PLCB1: variants seen among roughly 807,000 people sequenced by gnomAD.
The protein encoded by PLCB1 is phospholipase C beta 1, also known as 1-phosphatidylinositol 4,5-bisphosphate phosphodiesterase beta-1.
PLCB1 carries 46 observed loss-of-function variants against 161.8 expected under a neutral mutation model. The ratio of observed to expected loss-of-function variants is 0.28; its 90% CI spans 0.22 to 0.36. PLCB1 has a LOEUF of 0.36. PLCB1 is among the 10% of genes least tolerant of loss of function. PLCB1 has a pLI of 1.00. For missense variants in PLCB1, 1,016 were observed against 1,472.5 expected, an observed-to-expected ratio of 0.69 and a Z score of 5.07; for synonymous variants, 517 against 503.7, an observed-to-expected ratio of 1.03 and a Z score of -0.35.
intron 2 of PLCB1, among the ~76,000 whole-genome samples, chr20:8,294,389 C>T (rs187909311): frequency 6.6e-6 from 1 of 151,788 alleles, no homozygotes; most frequent in Non-Finnish European, 1.5e-5. Context: ...TCTGACATTA[C>T]CAAAAGTTGA....
chr20:8,152,332 A>G (rs118012387), intron 2 of PLCB1, among the ~76,000 whole-genome samples: 6,870 of 152,184 alleles, frequency 0.045, 207 homozygotes, highest in Middle Eastern at 0.14. Context: ...CAAGTTTGTC[A>G]TTTTCTTTCT....
At chr20:8,709,230 G>T (rs1237834729) in intron 12 of PLCB1, among the ~76,000 whole-genome samples, 1 of 152,014 alleles carries the variant, frequency 6.6e-6, no homozygotes, top group Non-Finnish European at 1.5e-5. Context: ...CTTTTCACTG[G>T]CTTTCCCCTG....
At chr20:8,824,581 A>G (rs1179157803) in intron 31 of PLCB1, among the ~76,000 whole-genome samples, 1 of 152,144 alleles carries the variant, frequency 6.6e-6, no homozygotes, top group African/African-American at 2.4e-5. Context: ...GAATAATGCT[A>G]CTGAGATGAT....
intron 31 of PLCB1, among the ~76,000 whole-genome samples, chr20:8,869,955 C>T (rs1331058989): frequency 3.3e-5 from 5 of 152,160 alleles, no homozygotes; most frequent in Admixed American, 2.0e-4. Flanking sequence ...AGCATGTTCC[C>T]GTGACATGCC....
chr20:8,844,925 A>G (rs558064337), intron 31 of PLCB1, among the ~76,000 whole-genome samples: 15 of 152,086 alleles, frequency 9.9e-5, no homozygotes, highest in African/African-American at 3.4e-4. Context: ...CCTGGCTAAC[A>G]TGGTGAAACC....
intron 9 of PLCB1, among the ~76,000 whole-genome samples, chr20:8,671,829 T>C (rs935277339): frequency 1.1e-4 from 17 of 152,164 alleles, no homozygotes; most frequent in Non-Finnish European, 2.9e-5. Flanking sequence ...TGTCTTTCCA[T>C]TGCCCAGGCA....
intron 2 of PLCB1, among the ~76,000 whole-genome samples, chr20:8,285,065 C>T (rs1158374376): frequency 1.3e-5 from 2 of 151,004 alleles, no homozygotes; most frequent in Non-Finnish European, 2.9e-5. Context: ...TGTTTTGTTT[C>T]TGCATGTGTC....
chr20:8,477,346 G>A (rs1258666992), intron 3 of PLCB1, among the ~76,000 whole-genome samples: 1 of 152,134 alleles, frequency 6.6e-6, no homozygotes, highest in Admixed American at 6.5e-5. Flanking sequence ...TTGGATGTCT[G>A]CCAGGTATTA....
intron 2 of PLCB1, among the ~76,000 whole-genome samples, chr20:8,236,965 A>T (rs77330602): frequency 1.3e-5 from 2 of 152,194 alleles, no homozygotes; most frequent in Admixed American, 6.5e-5. Context: ...CAAAACTAAA[A>T]GTTCCAGTGG....
chr20:8,188,603 T>C (rs2051931987), intron 2 of PLCB1, among the ~76,000 whole-genome samples: 2 of 152,102 alleles, frequency 1.3e-5, no homozygotes, highest in African/African-American at 4.8e-5. Context: ...AATTCTTTCT[T>C]AAGAGTGGCC....
intron 31 of PLCB1, among the ~76,000 whole-genome samples, chr20:8,874,225 TACAC>T (rs56986559): frequency 0.029 from 3,893 of 132,494 alleles, 167 homozygotes; most frequent in African/African-American, 0.1. Flanking sequence ...TATGTGTATG[TACAC>T]ACACACACAC....
At chr20:8,859,041 G>A (rs1038880742) in intron 31 of PLCB1, among the ~76,000 whole-genome samples, 2 of 152,200 alleles carry the variant, frequency 1.3e-5, no homozygotes, top group South Asian at 4.1e-4. Context: ...AGGAAACTGG[G>A]CAACACACTT....
intron 3 of PLCB1, among the ~76,000 whole-genome samples, chr20:8,429,592 G>A (rs1000370803): frequency 1.3e-5 from 2 of 152,034 alleles, no homozygotes; most frequent in South Asian, 2.1e-4. Context: ...CTTCAGTTAC[G>A]TATGTATACG....
intron 2 of PLCB1, among the ~76,000 whole-genome samples, chr20:8,271,567 T>C (rs1046313107): frequency 2.0e-5 from 3 of 152,092 alleles, no homozygotes; most frequent in African/African-American, 7.2e-5. Flanking sequence ...AGTGGAGAAA[T>C]TTCTGCAGAG....
chr20:8,184,980 C>T (rs935376957), intron 2 of PLCB1, among the ~76,000 whole-genome samples: 1 of 151,822 alleles, frequency 6.6e-6, no homozygotes, highest in South Asian at 2.1e-4. Flanking sequence ...TGTGATGTTC[C>T]CCTCCCTGTG....
chr20:8,774,781 A>G, intron 27 of PLCB1, 62 bp downstream of exon 27: 1 of 1,397,656 alleles, frequency 7.2e-7, no homozygotes, highest in Non-Finnish European at 9.8e-7. Context: ...GAAACTTTGG[A>G]TACTTTTGGA....
chr20:8,345,414 A>C (rs541148717), intron 2 of PLCB1, among the ~76,000 whole-genome samples: 2 of 152,266 alleles, frequency 1.3e-5, no homozygotes, highest in Admixed American at 1.3e-4. Flanking sequence ...GTGTTTAAAA[A>C]TAGTTTATTT....
chr20:8,607,439 C>G (rs1475832039), intron 3 of PLCB1, among the ~76,000 whole-genome samples: 3 of 152,192 alleles, frequency 2.0e-5, no homozygotes, highest in African/African-American at 7.2e-5. Context: ...AGAATTTGCC[C>G]TTTGCCCCAA....
intron 3 of PLCB1, among the ~76,000 whole-genome samples, chr20:8,574,850 A>G (rs1986626680): frequency 6.8e-6 from 1 of 146,598 alleles, no homozygotes; most frequent in East Asian, 1.9e-4. Context: ...GGCTCTGGCC[A>G]TGGAAAAATC....
Sources: gnomAD v4.1 joint callset for allele counts (sites outside exome capture counted in the v4.1 genomes callset) on GRCh38, gnomAD v4.1.1 for gene constraint, MANE v1.5 for transcripts, NCBI Gene and HGNC (gene_info 2026-07-23, HGNC 2026-07-21) for gene names.